ZNF608: variants seen among roughly 807,000 people sequenced by gnomAD.
The protein encoded by ZNF608 is renal carcinoma antigen NY-REN-36.
In ZNF608, 12 loss-of-function variants were observed where a neutral mutation model predicts 109.0. That is an observed-to-expected ratio of 0.11 (90% CI 0.07 to 0.18). The LOEUF (loss-of-function observed/expected upper bound fraction) is 0.18, where lower values mean the gene tolerates loss of function less well. ZNF608 is among the 10% of genes least tolerant of loss of function. The probability of loss-of-function intolerance (pLI) is 1.00; values close to 1 mark genes in which losing one functional copy is unlikely to be tolerated. For synonymous variants in ZNF608, 732 were observed against 717.4 expected, an observed-to-expected ratio of 1.02 and a Z score of -0.33; for missense variants, 1,707 against 1,879.3, an observed-to-expected ratio of 0.91 and a Z score of 1.70.
At chr5:124,650,310 G>A (rs2149792262) in intron 3 of ZNF608, among the ~76,000 whole-genome samples, 1 of 152,282 alleles carries the variant, frequency 6.6e-6, no homozygotes, top group South Asian at 2.1e-4. Flanking sequence ...TAATCAGCCT[G>A]GGTACCGTAT....
At position 124,744,774 on chromosome 5, in the gene ZNF608, C is replaced by T. The variant is rs925989019; in HGVS notation, c.216G>A (p.Gly72=). The change falls in exon 2 of 10, where the codon GGG becomes GGA. Residue 72 remains glycine, a synonymous_variant. Transcript: ENST00000513986. This position sits in a 1 kb window ranked among gnomAD's most constrained non-coding sequence, Gnocchi z 4.5. ...SKDCGGPASS[G]AGATAALADG... ...CAGCTAAGGCTGCGGTAGCACCAGC[C>T]CCACTGGAGGCCGGACCTCCACAAT... 3 of 1,614,192 alleles carry T rather than the reference C, an allele frequency of 1.9e-6. No homozygotes were observed. The African/African-American group carries it at 4.0e-5, about 22-fold the overall frequency.
intron 2 of ZNF608, among the ~76,000 whole-genome samples, chr5:124,712,226 A>G (rs4835844): frequency 0.64 from 97,670 of 151,958 alleles, 32,727 homozygotes; most frequent in African/African-American, 0.83. Context: ...GGGAGGAGAG[A>G]TCAGACTCGG....
Position 124,637,597 on chromosome 5 carries a change from G to A in ZNF608, c.*303C>T, listed in dbSNP as rs1233664975. 2 of 162,800 alleles carry A rather than the reference G, an allele frequency of 1.2e-5. No individual in the cohort carries two copies. Among genetic ancestry groups the A allele is most frequent in the Admixed American group, 1.3e-4 (2 of 15,548 alleles). 10.1% of individuals were successfully genotyped at this position (162,800 alleles called of 1,614,324 possible). A position where few individuals can be genotyped will look rare whatever the true frequency, so the allele number is the denominator to read the frequency against. ...TTTAATTTCCTTTACTGAGTGGTTT[G>A]CGACGTGGCAGCAGACCCTGTGTGT... is the stretch of plus-strand genomic sequence containing the variant. On this transcript the variant is annotated 3_prime_UTR_variant, in exon 10 of 10. Coordinates refer to ENST00000513986, the MANE Select transcript of ZNF608 (RefSeq NM_020747.3).
chr5:124,672,164 A>T lies in ZNF608; in HGVS notation c.1163-22467T>A, dbSNP rs544842494. On this transcript the variant is annotated intron_variant, in intron 3 of 9. Transcript: ENST00000513986. ...TTTAACTCTCTCTCAGCCAAATATA[A>T]TACAGAACTGGTTTGTCTGTGTCAG... Among the ~76,000 whole-genome samples, 23 of 152,354 alleles carry T rather than the reference A, an allele frequency of 1.5e-4. 1 individual carries two copies. The South Asian group carries it at 4.8e-3, about 32-fold the overall frequency.
chr5:124,646,438 T>C (rs1416659857), intron 5 of ZNF608, among the ~76,000 whole-genome samples: 7 of 152,176 alleles, frequency 4.6e-5, no homozygotes, highest in African/African-American at 1.7e-4. Flanking sequence ...GAAACACAAA[T>C]CTGCAAAGCA....
Position 124,679,279 on chromosome 5 carries a change from G to T in ZNF608, c.1162+21735C>A, listed in dbSNP as rs1752089675. 3.3e-5 allele frequency among the ~76,000 whole-genome samples: 5 copies of T among 152,144 alleles called. 1 individual carries two copies. Among genetic ancestry groups the T allele is most frequent in the Admixed American group, 3.3e-4 (5 of 15,270 alleles). ...TGTAGGACTTGAGCAACATGGGAGG[G>T]AGCGGGGACAGAAGTGGGAAGATTG... On this transcript the variant is annotated intron_variant, in intron 3 of 9. Coordinates refer to ENST00000513986, the MANE Select transcript of ZNF608 (RefSeq NM_020747.3).
intron 3 of ZNF608, among the ~76,000 whole-genome samples, chr5:124,689,669 G>C (rs1276187791): frequency 1.3e-5 from 2 of 152,130 alleles, no homozygotes; most frequent in African/African-American, 2.4e-5. Context: ...AAATTGTCAA[G>C]AAAGTTCACA....
intron 2 of ZNF608, among the ~76,000 whole-genome samples, chr5:124,709,170 C>CAAAAAAA (rs1156276798): frequency 0.02 from 649 of 32,690 alleles, 82 homozygotes; most frequent in East Asian, 0.099. Context: ...GACTCTGTCT[C>CAAAAAAA]AAAAAAAAAA....
intron 3 of ZNF608, among the ~76,000 whole-genome samples, chr5:124,670,130 C>A (rs1333839136): frequency 1.3e-5 from 2 of 152,102 alleles, no homozygotes; most frequent in African/African-American, 4.8e-5. Flanking sequence ...ATTTTACCAC[C>A]CACACTAATC....
In ZNF608 at chr5:124,649,044, G is replaced by C; in HGVS notation, c.1340C>G (p.Ser447Cys). ...TCTGGACTCTGTGAAGCTGGCCTCGGAGCCCGGGGCAGCAGCAGCAGACCT... is the reference window on the plus strand; with the variant it reads ...TCTGGACTCTGTGAAGCTGGCCTCGCAGCCCGGGGCAGCAGCAGCAGACCT... ...RARSAAAAPG[S>C]EASFTESRGL... Residue 447 changes from serine (S) to cysteine (C), a missense_variant, in exon 5 of 10, where the codon TCC (serine) becomes TGC (cysteine). Coordinates refer to ENST00000513986, the MANE Select transcript of ZNF608 (RefSeq NM_020747.3). The C allele has an allele frequency of 6.2e-7, 1 of 1,614,036 alleles. No homozygotes were observed. The highest frequency in any genetic ancestry group is 1.1e-5 in the South Asian group (1 of 91,062).
chr5:124,638,706 A>AATTTAATTTAATT (rs1750096691), intron 9 of ZNF608: 1 of 327,578 alleles, frequency 3.1e-6, no homozygotes, highest in Non-Finnish European at 4.6e-6. Flanking sequence ...TATAATATTA[A>AATTTAATTTAATT]TAATTTAATT....
intron 2 of ZNF608, among the ~76,000 whole-genome samples, chr5:124,702,727 T>TA (rs888390028): frequency 5.8e-4 from 88 of 152,150 alleles, no homozygotes; most frequent in African/African-American, 2.1e-3. Flanking sequence ...ATCTGCATGT[T>TA]AAAAAAACTT....
rs34612595 is a variant in ZNF608 at position 124,668,195 on chromosome 5, AATATAT to A, written c.1163-18504_1163-18499del. Among the ~76,000 whole-genome samples, 29 of 135,674 alleles carry A rather than the reference AATATAT, an allele frequency of 2.1e-4. No homozygotes were observed. The East Asian group carries it at 4.0e-3, about 19-fold the overall frequency. 89.0% of individuals were successfully genotyped at this position (135,674 alleles called of 152,430 possible). ...TATGGAGACCTTCTCTATGCTTAAA[AATATAT>A]ATATATATATATATATTATATATAT... On this transcript the variant is annotated intron_variant, in intron 3 of 9. Coordinates refer to ENST00000513986, the MANE Select transcript of ZNF608 (RefSeq NM_020747.3).
At chr5:124,721,077 A>G (rs1166018797) in intron 2 of ZNF608, among the ~76,000 whole-genome samples, 2 of 152,206 alleles carry the variant, frequency 1.3e-5, no homozygotes, top group African/African-American at 4.8e-5. Context: ...TTCTGAGAGC[A>G]TGACCCTTCT....
intron 2 of ZNF608, among the ~76,000 whole-genome samples, chr5:124,716,823 C>T (rs1753722306): frequency 6.6e-6 from 1 of 152,192 alleles, no homozygotes; most frequent in Non-Finnish European, 1.5e-5. Context: ...TGGCTCACGC[C>T]TGTAATTCCA....
chr5:124,661,702 T>C (rs1442743712), intron 3 of ZNF608, among the ~76,000 whole-genome samples: 4 of 152,206 alleles, frequency 2.6e-5, no homozygotes, highest in African/African-American at 9.7e-5. Flanking sequence ...GCCTGCTCGG[T>C]GTCACTGCTT....
chr5:124,650,654 C>A (rs1439514466), intron 3 of ZNF608, among the ~76,000 whole-genome samples: 1 of 152,186 alleles, frequency 6.6e-6, no homozygotes. Flanking sequence ...TTACAAAAAT[C>A]ACTTCTTTAA....
chr5:124,715,056 C>T (rs772356424), intron 2 of ZNF608, among the ~76,000 whole-genome samples: 5 of 152,130 alleles, frequency 3.3e-5, no homozygotes, highest in African/African-American at 7.2e-5. Flanking sequence ...AGAATGCTTG[C>T]TTCAGCTATT....
chr5:124,740,313 T>G (rs1192755533), intron 2 of ZNF608, among the ~76,000 whole-genome samples: 1 of 152,170 alleles, frequency 6.6e-6, no homozygotes. Context: ...AGTAAGGAGC[T>G]GGATCAATGC....
Sources: gnomAD v4.1 joint callset for allele counts (sites outside exome capture counted in the v4.1 genomes callset) on GRCh38, gnomAD v4.1.1 for gene constraint, Gnocchi (gnomAD v3.1) non-coding constraint, MANE v1.5 for transcripts, NCBI Gene and HGNC (gene_info 2026-07-23, HGNC 2026-07-21) for gene names.